Variants in ELMO1 observed in about 807,000 individuals in gnomAD.
ELMO1 encodes engulfment and cell motility 1, also known as engulfment and cell motility protein 1.
ELMO1 carries 26 observed loss-of-function variants against 98.9 expected under a neutral mutation model. The observed-to-expected ratio is 0.26, with a 90% CI of 0.19 to 0.36. The LOEUF is 0.36. Ranked by LOEUF, ELMO1 falls within the 10% of genes least tolerant of loss-of-function variation. The pLI, the probability that ELMO1 is intolerant of heterozygous loss-of-function variation, is 1.00. For missense variants in ELMO1, 627 were observed against 935.2 expected (o/e 0.67, Z 4.30); for synonymous variants, 346 against 346.0 (o/e 1.00, Z 0.00).
At chr7:37,174,070 T>C (rs1472534166) in intron 13 of ELMO1, among the ~76,000 whole-genome samples, 2 of 152,222 alleles carry the variant, frequency 1.3e-5, no homozygotes, top group African/African-American at 4.8e-5. Flanking sequence ...ATCAAATTCC[T>C]TAACGTATTA....
intron 12 of ELMO1, 62 bp from the exon 13 acceptor site, chr7:37,211,579 T>C: frequency 1.3e-6 from 2 of 1,580,320 alleles, no homozygotes; most frequent in Non-Finnish European, 1.7e-6. Context: ...TTGTGTGACA[T>C]TACATATACT....
intron 16 of ELMO1, among the ~76,000 whole-genome samples, chr7:36,905,171 G>A (rs1243436578): frequency 6.6e-6 from 1 of 152,184 alleles, no homozygotes; most frequent in Non-Finnish European, 1.5e-5. Context: ...GGAGAAAATG[G>A]CTACAAATTT....
At chr7:37,289,832 G>A (rs1797584780) in intron 4 of ELMO1, among the ~76,000 whole-genome samples, 1 of 152,138 alleles carries the variant, frequency 6.6e-6, no homozygotes, top group African/African-American at 2.4e-5. Context: ...AGTTAGTAGG[G>A]ATACTAGGTG....
intron 1 of ELMO1, chr7:37,375,503 G>A (rs1802298102): frequency 2.8e-5 from 23 of 810,990 alleles, no homozygotes; most frequent in African/African-American, 5.1e-5. Flanking sequence ...CCCCGGCCCC[G>A]GACCCCAGAG....
intron 16 of ELMO1, among the ~76,000 whole-genome samples, chr7:36,947,295 GCACTT>G (rs1225041342): frequency 6.6e-6 from 1 of 152,332 alleles, no homozygotes; most frequent in East Asian, 1.9e-4. Context: ...TGTGCCCAAA[GCACTT>G]CACATCTAGT....
At chr7:36,866,140 G>A (rs1437173218) in intron 20 of ELMO1, among the ~76,000 whole-genome samples, 1 of 152,190 alleles carries the variant, frequency 6.6e-6, no homozygotes, top group Non-Finnish European at 1.5e-5. Flanking sequence ...CAAATTCAGT[G>A]AGACAAGCAC....
intron 14 of ELMO1, among the ~76,000 whole-genome samples, chr7:37,109,510 C>T (rs1218354026): frequency 6.6e-6 from 1 of 152,162 alleles, no homozygotes. Flanking sequence ...CCACTCTGCA[C>T]TCCTCCGCCG....
At chr7:37,364,858 A>G (rs1350277249) in intron 1 of ELMO1, among the ~76,000 whole-genome samples, 1 of 152,234 alleles carries the variant, frequency 6.6e-6, no homozygotes, top group Admixed American at 6.5e-5. Context: ...AACAAAGCTC[A>G]GAATGTTTTT....
chr7:37,097,446 C>G (rs376507738), intron 14 of ELMO1, among the ~76,000 whole-genome samples: 1 of 151,946 alleles, frequency 6.6e-6, no homozygotes, highest in African/African-American at 2.4e-5. Context: ...TATCTGGGTG[C>G]GGTGGCAGGT....
chr7:37,199,752 C>G (rs914344964), intron 13 of ELMO1, among the ~76,000 whole-genome samples: 10 of 152,200 alleles, frequency 6.6e-5, no homozygotes, highest in Admixed American at 1.3e-4. Context: ...AGGGGCCCCA[C>G]TGCACCAGTT....
At chr7:37,058,040 G>A (rs1469084931) in intron 15 of ELMO1, among the ~76,000 whole-genome samples, 1 of 152,168 alleles carries the variant, frequency 6.6e-6, no homozygotes, top group Non-Finnish European at 1.5e-5. Flanking sequence ...AAAAGACAAA[G>A]GGCAACTTTA....
At chr7:37,131,939 T>C (rs2129298509) in intron 14 of ELMO1, among the ~76,000 whole-genome samples, 1 of 152,356 alleles carries the variant, frequency 6.6e-6, no homozygotes, top group South Asian at 2.1e-4. Context: ...AGGAGGTCAC[T>C]GCTGGGTGGT....
chr7:37,247,895 ATGTGTGTGTG>A lies in ELMO1; in HGVS notation c.414-3514_414-3505del, dbSNP rs58502667. Among the ~76,000 whole-genome samples the A allele has an allele frequency of 1.2e-4, 18 of 146,644 alleles. No homozygotes were observed. In the East Asian group the frequency reaches 1.8e-3, roughly 15 times the overall value. On this transcript the variant is annotated intron_variant, in intron 6 of 21. Coordinates refer to ENST00000310758, the MANE Select transcript of ELMO1 (RefSeq NM_014800.11). Reference sequence around the variant, plus strand: ...AAGTTTAAAATGGTTTTGAAATAAAATGTGTGTGTGTGTGTGTGTGTGTGTGTGTGTAATA... The same window carrying A: ...AAGTTTAAAATGGTTTTGAAATAAAATGTGTGTGTGTGTGTGTGTGTAATA...
intron 13 of ELMO1, among the ~76,000 whole-genome samples, chr7:37,150,825 T>C (rs1368311925): frequency 6.6e-6 from 1 of 152,198 alleles, no homozygotes; most frequent in Non-Finnish European, 1.5e-5. Flanking sequence ...TTTTTGTAAA[T>C]AAAGATGCAT....
At chr7:36,966,860 A>G (rs1315065932) in intron 16 of ELMO1, among the ~76,000 whole-genome samples, 2 of 152,282 alleles carry the variant, frequency 1.3e-5, no homozygotes, top group Non-Finnish European at 1.5e-5. Flanking sequence ...TCTGGAAAAC[A>G]TGATAAGCAG....
At chr7:36,907,460 T>G (rs564647593) in intron 16 of ELMO1, among the ~76,000 whole-genome samples, 203 of 152,332 alleles carry the variant, frequency 1.3e-3, no homozygotes, top group African/African-American at 4.7e-3. Flanking sequence ...CCACCACAGC[T>G]ACAAAACTCA....
intron 1 of ELMO1, among the ~76,000 whole-genome samples, chr7:37,385,800 G>A (rs141713142): frequency 2.0e-5 from 3 of 152,318 alleles, no homozygotes; most frequent in South Asian, 2.1e-4. Flanking sequence ...ACGAAGGGGC[G>A]GCCAATCTGC....
chr7:37,293,528 C>G (rs13232705), intron 4 of ELMO1, among the ~76,000 whole-genome samples: 59,510 of 99,166 alleles, frequency 0.6, 17,919 homozygotes, highest in South Asian at 0.79. Context: ...CAGCATGCTC[C>G]TTAAGAGTCA....
chr7:37,232,803 AAC>A (rs757277881), intron 8 of ELMO1, among the ~76,000 whole-genome samples: 2 of 152,200 alleles, frequency 1.3e-5, no homozygotes, highest in South Asian at 4.1e-4. Flanking sequence ...TCTTGAAACC[AAC>A]AGAGTCACAC....
Sources: gnomAD v4.1 joint callset for allele counts (sites outside exome capture counted in the v4.1 genomes callset) on GRCh38, gnomAD v4.1.1 for gene constraint, MANE v1.5 for transcripts, NCBI Gene and HGNC (gene_info 2026-07-23, HGNC 2026-07-21) for gene names.